The following VWF variants were observed in gnomAD, a reference collection of about 807,000 sequenced individuals.
VWF encodes the protein Factor VIII related antigen.
Under a neutral mutation model 308.6 loss-of-function variants are expected in VWF, and 176 were observed. The ratio of observed to expected loss-of-function variants is 0.57; its 90% CI spans 0.50 to 0.65. The LOEUF (loss-of-function observed/expected upper bound fraction) is 0.65, where lower values mean the gene tolerates loss of function less well. VWF is among the 30% of genes least tolerant of loss of function. The pLI, the probability that VWF is intolerant of heterozygous loss-of-function variation, is 0.00. For synonymous variants in VWF, 1,385 were observed against 1,443.4 expected (o/e 0.96, Z 0.92); for missense variants, 3,146 against 3,648.2 (o/e 0.86, Z 3.55).
At chr12:6,036,651 A>G (rs879735398) in intron 18 of VWF, among the ~76,000 whole-genome samples, 160 bp from the exon 19 acceptor site, 9 of 152,188 alleles carry the variant, frequency 5.9e-5, no homozygotes, top group Non-Finnish European at 1.2e-4. Context: ...GACAGCTTCC[A>G]CTGCAGGCCA....
intron 5 of VWF, among the ~76,000 whole-genome samples, chr12:6,107,957 C>T (rs1012397830): frequency 2.0e-5 from 3 of 151,796 alleles, no homozygotes; most frequent in South Asian, 2.1e-4. Flanking sequence ...CGCACCCAGC[C>T]GAAAGATTCA....
intron 6 of VWF, among the ~76,000 whole-genome samples, chr12:6,091,533 G>A (rs1945034912): frequency 6.6e-6 from 1 of 152,118 alleles, no homozygotes; most frequent in Non-Finnish European, 1.5e-5. Context: ...AACACATAAT[G>A]AAAGAGTTTT....
At position 6,046,579 on chromosome 12, in the gene VWF, T is replaced by C. The variant is rs1591882181; in HGVS notation, c.2281+144A>G. 7 of 782,458 alleles carry C rather than the reference T, an allele frequency of 8.9e-6. No individual in the cohort carries two copies. Among genetic ancestry groups the C allele is most frequent in the Non-Finnish European group, 1.3e-5 (6 of 464,154 alleles). 48.5% of individuals were successfully genotyped at this position (782,458 alleles called of 1,614,324 possible). A position where few individuals can be genotyped will look rare whatever the true frequency, so the allele number is the denominator to read the frequency against. ...AAAGTCACTCACACAAACCCAGAAATGAAGGCGATCCTGGGCGAAGCCAGA... is the reference window on the plus strand; with the variant it reads ...AAAGTCACTCACACAAACCCAGAAACGAAGGCGATCCTGGGCGAAGCCAGA... On this transcript the variant is annotated intron_variant, in intron 17 of 51. Transcript: ENST00000261405. The surrounding 1 kb of genome is among the most constrained non-coding windows in gnomAD (Gnocchi z 5.0).
chr12:6,045,020 A>G (rs1024472901), intron 17 of VWF, among the ~76,000 whole-genome samples: 2 of 152,134 alleles, frequency 1.3e-5, no homozygotes, highest in African/African-American at 4.8e-5. Flanking sequence ...TATCCTATAT[A>G]TGTTCTTCTC....
chr12:5,992,116 C>T (rs1943752202), intron 37 of VWF, 98 bp from the exon 38 acceptor site: 4 of 1,206,050 alleles, frequency 3.3e-6, no homozygotes, highest in Non-Finnish European at 4.8e-6. Context: ...ACAAACTTGC[C>T]AGGGCAGAGA....
chr12:6,124,273 A>G, intron 1 of VWF, 148 bp downstream of exon 1: 1 of 152,528 alleles, frequency 6.6e-6, no homozygotes, highest in Non-Finnish European at 1.5e-5. Flanking sequence ...AGGGAGTATT[A>G]GGATCATCCC....
intron 38 of VWF, among the ~76,000 whole-genome samples, chr12:5,986,038 G>C (rs1375766783): frequency 6.6e-6 from 1 of 152,222 alleles, no homozygotes; most frequent in African/African-American, 2.4e-5. Context: ...TTCTGAAATT[G>C]ACTTCAGACA....
intron 42 of VWF, among the ~76,000 whole-genome samples, chr12:5,978,997 C>T (rs941573875): frequency 1.3e-5 from 2 of 152,120 alleles, no homozygotes; most frequent in African/African-American, 2.4e-5. Flanking sequence ...AAAAGAGCCC[C>T]CATTTACCCC....
chr12:6,111,358 A>G (rs1308972397), intron 3 of VWF, among the ~76,000 whole-genome samples: 1 of 152,138 alleles, frequency 6.6e-6, no homozygotes, highest in Non-Finnish European at 1.5e-5. Flanking sequence ...GCTCTAGGAG[A>G]GTGTTATTTA....
At chr12:5,964,203 A>T (rs75798655) in intron 47 of VWF, among the ~76,000 whole-genome samples, 1 of 122,734 alleles carries the variant, frequency 8.1e-6, no homozygotes, top group East Asian at 2.0e-4. Context: ...GGCGACAGAG[A>T]GAGACTCTGT....
chr12:6,056,932 C>G lies in VWF; in HGVS notation c.1870G>C (p.Gly624Arg). The G allele has an allele frequency of 6.5e-7, 1 of 1,535,286 alleles. No individual in the cohort carries two copies. The highest frequency in any genetic ancestry group is 8.7e-7 in the Non-Finnish European group (1 of 1,146,180). The change falls in exon 15 of 52, where the codon GGC (glycine) becomes CGC (arginine). Residue 624 changes from glycine (G) to arginine (R), a missense_variant. Physicochemically the swap from Gly to Arg is moderately radical, Grantham distance 125 (BLOSUM62 -2). Around this residue, in one of 3 missense-constraint regions of VWF, gnomAD observed 1,304 missense variants for 1,353.0 expected, o/e 0.96. Coordinates refer to ENST00000261405, the MANE Select transcript of VWF (RefSeq NM_000552.5). Reference protein sequence around the residue: ...SCSDGRECLCGALASYAAACA... With the variant: ...SCSDGRECLCRALASYAAACA... ...GCCGCGGCATAGCTGGCCAGGGCGC[C>G]GCACAGGCACTCGCGGCCGTCCGAG...
chr12:6,062,408 C>T (rs1034839347), intron 13 of VWF, among the ~76,000 whole-genome samples: 1 of 142,490 alleles, frequency 7.0e-6, no homozygotes, highest in African/African-American at 2.8e-5. Context: ...CACTGTCCAC[C>T]TGCCAGGGTC....
rs765176386 is a variant in VWF at position 5,994,057 on chromosome 12, C to T, written c.6403G>A (p.Asp2135Asn). 9.9e-6 allele frequency: 16 copies of T among 1,613,974 alleles called. No homozygotes were observed. The highest frequency in any genetic ancestry group is 3.3e-5 in the Admixed American group (2 of 59,982). The change falls in exon 37 of 52, where the codon GAC (aspartate) becomes AAC (asparagine). Residue 2135 changes from aspartate (D) to asparagine (N), a missense_variant. Around this residue, in one of 3 missense-constraint regions of VWF, gnomAD observed 989 missense variants for 1,117.4 expected, o/e 0.89. Transcript: ENST00000261405. ...AGGAGGACCTGGCAGTGGGAGCTGTCGGGGACAAGACACTGCTCCTCCAGG... is the reference window on the plus strand; with the variant it reads ...AGGAGGACCTGGCAGTGGGAGCTGTTGGGGACAAGACACTGCTCCTCCAGG... ...PILEEQCLVPDSSHCQVLLLP... is the reference protein window; with the variant it reads ...PILEEQCLVPNSSHCQVLLLP...
At chr12:6,117,720 C>G (rs1439111501) in intron 3 of VWF, among the ~76,000 whole-genome samples, 2 of 152,174 alleles carry the variant, frequency 1.3e-5, no homozygotes, top group Non-Finnish European at 2.9e-5. Flanking sequence ...GAGGCTGAGG[C>G]AGGAGAATCG....
At chr12:6,083,342 G>A (rs944758044) in intron 6 of VWF, among the ~76,000 whole-genome samples, 13 of 152,310 alleles carry the variant, frequency 8.5e-5, no homozygotes, top group African/African-American at 2.9e-4. Flanking sequence ...AGGCCAAAGT[G>A]GGCAGATCAC....
intron 19 of VWF, 150 bp downstream of exon 19, chr12:6,036,238 G>A: frequency 1.4e-6 from 1 of 707,712 alleles, no homozygotes. Context: ...CCATTTTACA[G>A]ATGGAGAAAC....
rs1048247884 is a variant in VWF, at chr12:6,044,423, G to A, written c.2310C>T (p.Pro770=). 1 of 1,614,182 alleles carries A rather than the reference G, an allele frequency of 6.2e-7. No individual in the cohort carries two copies. Among genetic ancestry groups the A allele is most frequent in the South Asian group, 1.1e-5 (1 of 91,088 alleles). ...RSKRSLSCRP[P]MVKLVCPADN... is the part of the protein sequence containing the mutation. ...CAGCGGGACACACCAGCTTGACCAT[G>A]GGGGGCCGACAGGATAGGCTCCTTT... Residue 770 remains proline (P), a synonymous_variant, in exon 18 of 52, where the codon CCC becomes CCT. Coordinates refer to ENST00000261405, the MANE Select transcript of VWF (RefSeq NM_000552.5).
At chr12:6,095,356 G>C in intron 6 of VWF, 104 bp downstream of exon 6, 1 of 1,575,100 alleles carries the variant, frequency 6.3e-7, no homozygotes. Flanking sequence ...CCCTGCGTAA[G>C]TCCATTCCTC....
chr12:5,952,786 TG>T (rs534195443), intron 48 of VWF, among the ~76,000 whole-genome samples: 111 of 152,318 alleles, frequency 7.3e-4, no homozygotes, highest in African/African-American at 2.5e-3. Context: ...AACAGTAAAC[TG>T]GCTAGCTGAT....
Sources: gnomAD v4.1 joint callset for allele counts (sites outside exome capture counted in the v4.1 genomes callset) on GRCh38, gnomAD v4.1.1 for gene constraint, gnomAD v4.1.1 regional missense constraint, Gnocchi (gnomAD v3.1) non-coding constraint, MANE v1.5 for transcripts, NCBI Gene and HGNC (gene_info 2026-07-23, HGNC 2026-07-21) for gene names.